AP3D1: variants seen among roughly 807,000 people sequenced by gnomAD.
AP3D1 encodes the protein AP-3 complex subunit delta-1.
A neutral mutation model predicts 147.6 loss-of-function variants in AP3D1; 51 were observed. The ratio of observed to expected loss-of-function variants is 0.35; its 90% confidence interval spans 0.28 to 0.44. AP3D1 has a LOEUF of 0.44. Ranked by LOEUF, AP3D1 falls within the 20% of genes least tolerant of loss-of-function variation. The pLI, the probability that AP3D1 is intolerant of heterozygous loss-of-function variation, is 1.00. For missense variants in AP3D1, 1,421 were observed against 1,624.2 expected (o/e 0.87, Z 2.15); for synonymous variants, 760 against 663.0 (o/e 1.15, Z -2.25).
Position 2,110,794 on chromosome 19 carries a change from C to G in AP3D1, c.3088G>C (p.Val1030Leu). 6.2e-7 allele frequency: 1 copy of G among 1,613,462 alleles called. No homozygotes were observed. Among genetic ancestry groups the G allele is most frequent in the Non-Finnish European group, 8.5e-7 (1 of 1,179,988 alleles). Residue 1030 changes from valine (V) to leucine (L), a missense_variant, in exon 27 of 32, where the codon GTG (valine) becomes CTG (leucine). Val to Leu is a conservative substitution (Grantham distance 32, BLOSUM62 1). Coordinates refer to ENST00000643116, the MANE Select transcript of AP3D1 (RefSeq NM_001261826.3). ...SSILKGMELSVLDSLNARMAR... is the reference protein window; with the variant it reads ...SSILKGMELSLLDSLNARMAR... ...ATCCTGGCATTGAGTGAGTCCAGCACGCTGAGCTCCATGCCCTTGAGGATG... is the reference window on the plus strand; with the variant it reads ...ATCCTGGCATTGAGTGAGTCCAGCAGGCTGAGCTCCATGCCCTTGAGGATG...
chr19:2,138,913 A>G (rs2019146932), intron 1 of AP3D1, among the ~76,000 whole-genome samples, 199 bp from the exon 2 acceptor site: 2 of 151,876 alleles, frequency 1.3e-5, no homozygotes, highest in East Asian at 3.9e-4. Context: ...TACAAAAATT[A>G]GCTGGGCGTG....
At chr19:2,109,717 C>T in intron 29 of AP3D1, 156 bp downstream of exon 29, 1 of 702,196 alleles carries the variant, frequency 1.4e-6, no homozygotes. Context: ...GGCGCAGACA[C>T]CAGGCAGCCT....
At chr19:2,111,488 G>A (rs1482330795) in intron 25 of AP3D1, 156 bp from the exon 26 acceptor site, 4 of 1,214,620 alleles carry the variant, frequency 3.3e-6, no homozygotes, top group Middle Eastern at 2.8e-4. Flanking sequence ...CCGGCTCCCA[G>A]GACCACACAG....
rs562417040 is a variant in AP3D1, at chr19:2,117,250, C to A, written c.1831G>T (p.Ala611Ser). 6.2e-7 allele frequency: 1 copy of A among 1,612,176 alleles called. No individual in the cohort carries two copies. Among genetic ancestry groups the A allele is most frequent in the South Asian group, 1.1e-5 (1 of 90,862 alleles). ...AGELNPVAPK[A>S]QKKVPVPEGL... is the part of the protein sequence containing the mutation. ...TCGGGGACTGGAACCTTCTTCTGGGCCTTGGGGGCCACTGGGTTCAGCTCC... is the reference window on the plus strand; with the variant it reads ...TCGGGGACTGGAACCTTCTTCTGGGACTTGGGGGCCACTGGGTTCAGCTCC... The change falls in exon 16 of 32, where the codon GCC (alanine) becomes TCC (serine). Residue 611 changes from alanine to serine, a missense_variant. Ala to Ser is a moderately conservative substitution (Grantham distance 99, BLOSUM62 1). Around this residue, in one of 6 missense-constraint regions of AP3D1, gnomAD observed 310 missense variants for 388.1 expected, o/e 0.80. Coordinates refer to ENST00000643116, the MANE Select transcript of AP3D1 (RefSeq NM_001261826.3).
chr19:2,107,452 C>G (rs575818114), intron 31 of AP3D1, among the ~76,000 whole-genome samples: 11 of 151,494 alleles, frequency 7.3e-5, no homozygotes, highest in Non-Finnish European at 1.5e-4. Context: ...TTGAAAAGTG[C>G]AATAAAGGCC....
chr19:2,108,630 G>A (rs2018176429), intron 31 of AP3D1, 57 bp downstream of exon 31: 2 of 1,503,502 alleles, frequency 1.3e-6, no homozygotes, highest in Non-Finnish European at 9.1e-7. Flanking sequence ...GAAGGCCTGG[G>A]CATGACCCCA....
chr19:2,116,779 G>A, intron 16 of AP3D1, 33 bp from the exon 17 acceptor site: 4 of 1,573,114 alleles, frequency 2.5e-6, no homozygotes, highest in Non-Finnish European at 3.5e-6. Flanking sequence ...ACAAGGCAGT[G>A]TGTGACCGAG....
chr19:2,155,922 G>C (rs1056680482), upstream of AP3D1, among the ~76,000 whole-genome samples: 3 of 151,110 alleles, frequency 2.0e-5, no homozygotes, highest in South Asian at 2.1e-4. Flanking sequence ...GCTTGGTGGC[G>C]GGCGCCTGTA....
intron 16 of AP3D1, chr19:2,116,954 C>G (rs1035416096): frequency 1.2e-6 from 1 of 851,990 alleles, no homozygotes; most frequent in Admixed American, 3.3e-5. Flanking sequence ...CACAGTGGGG[C>G]CCCCACGGCA....
chr19:2,117,498 G>C, intron 15 of AP3D1, 131 bp from the exon 16 acceptor site: 1 of 1,007,962 alleles, frequency 9.9e-7, no homozygotes, highest in Non-Finnish European at 1.4e-6. Context: ...TAGCCACAGA[G>C]AGCCCAGCCT....
intron 20 of AP3D1, among the ~76,000 whole-genome samples, 180 bp downstream of exon 20, chr19:2,115,039 G>A (rs1158551264): frequency 2.0e-5 from 3 of 152,192 alleles, no homozygotes; most frequent in Non-Finnish European, 4.4e-5. Context: ...GCTGGCCCTG[G>A]GGCGGTGCGT....
At chr19:2,142,528 A>C (rs1439955158) in intron 1 of AP3D1, among the ~76,000 whole-genome samples, 1 of 152,194 alleles carries the variant, frequency 6.6e-6, no homozygotes, top group Non-Finnish European at 1.5e-5. Context: ...GAGACCAGGG[A>C]GGCCACATGG....
intron 18 of AP3D1, 129 bp downstream of exon 18, chr19:2,116,078 G>A: frequency 1.1e-6 from 1 of 900,030 alleles, no homozygotes; most frequent in South Asian, 1.6e-5. Context: ...GCTCCGCACA[G>A]TCACCGTGTG....
exon 1 of AP3D1, chr19:2,164,445 C>A: frequency 2.5e-6 from 1 of 396,834 alleles, no homozygotes; most frequent in Non-Finnish European, 4.2e-6. Context: ...GGCTGTTTCC[C>A]GCAGGGTGGG....
At chr19:2,102,297 A>G in intron 31 of AP3D1, 29 bp from the exon 32 acceptor site, 6 of 1,589,294 alleles carry the variant, frequency 3.8e-6, no homozygotes, top group Non-Finnish European at 5.2e-6. Flanking sequence ...TGGATATTTT[A>G]AAAGTGTGTG....
At chr19:2,130,051 C>T (rs1056587364) in intron 6 of AP3D1, among the ~76,000 whole-genome samples, 2 of 152,204 alleles carry the variant, frequency 1.3e-5, no homozygotes, top group Non-Finnish European at 2.9e-5. Context: ...ACAACAGCTA[C>T]ACTAGGTGGA....
At chr19:2,160,917 C>T (rs895068499) in intron 1 of AP3D1, among the ~76,000 whole-genome samples, 4 of 152,058 alleles carry the variant, frequency 2.6e-5, no homozygotes, top group Non-Finnish European at 5.9e-5. Flanking sequence ...CAAATGTTCC[C>T]AGACATCGCC....
intron 1 of AP3D1, among the ~76,000 whole-genome samples, chr19:2,148,435 T>C (rs536205739): frequency 2.5e-4 from 38 of 152,354 alleles, no homozygotes; most frequent in African/African-American, 9.1e-4. Flanking sequence ...ACGGTTACTG[T>C]ATGTGCCTGC....
intron 31 of AP3D1, among the ~76,000 whole-genome samples, chr19:2,104,841 A>AT (rs1400115555): frequency 2.6e-5 from 4 of 151,644 alleles, no homozygotes; most frequent in Non-Finnish European, 4.4e-5. Flanking sequence ...GTACTGGCTA[A>AT]TTTTTTTAAT....
Sources: allele counts gnomAD v4.1 joint callset (sites outside exome capture counted in the v4.1 genomes callset), GRCh38; gene constraint gnomAD v4.1.1; regional missense constraint gnomAD v4.1.1; transcripts MANE v1.5; gene names NCBI Gene and HGNC (gene_info 2026-07-23, HGNC 2026-07-21).